Variants in HECTD2 observed in about 807,000 individuals in gnomAD.
The protein encoded by HECTD2 is probable E3 ubiquitin-protein ligase HECTD2.
A neutral mutation model predicts 103.2 loss-of-function variants in HECTD2; 35 were observed. The ratio of observed to expected loss-of-function variants is 0.34; its 90% CI spans 0.26 to 0.45. The LOEUF (loss-of-function observed/expected upper bound fraction) is 0.45. Among genes scored for constraint, HECTD2 ranks in the 20% least tolerant of loss-of-function variants. The pLI, the probability that HECTD2 is intolerant of heterozygous loss-of-function variation, is 1.00. For missense variants in HECTD2, 596 were observed against 937.4 expected, an observed-to-expected ratio of 0.64 and a Z score of 4.76; for synonymous variants, 281 against 329.9, an observed-to-expected ratio of 0.85 and a Z score of 1.61.
In HECTD2 at chr10:91,512,456, A is replaced by C; in HGVS notation, c.*72A>C. 2.2e-6 allele frequency: 3 copies of C among 1,335,338 alleles called. No homozygotes were observed. The highest frequency in any genetic ancestry group is 3.1e-6 in the Non-Finnish European group (3 of 973,938). 82.7% of individuals were successfully genotyped at this position (1,335,338 alleles called of 1,614,324 possible). ...CTCTTACTGTGCCTTTAGCCTTTTC[A>C]TGTTTCTGTCTCAAAACACTTTGAC... On this transcript the variant is annotated 3_prime_UTR_variant, in exon 21 of 21. Coordinates refer to ENST00000298068, the MANE Select transcript of HECTD2 (RefSeq NM_182765.6).
intron 5 of HECTD2, among the ~76,000 whole-genome samples, chr10:91,469,921 A>T (rs1845665444): frequency 6.6e-6 from 1 of 152,244 alleles, no homozygotes; most frequent in South Asian, 2.1e-4. Flanking sequence ...AGGGATTGTT[A>T]TTGCAACTTC....
rs903702134 is a variant in HECTD2 at position 91,487,834 on chromosome 10, TTAA to T, written c.1191+60_1191+62del. The stretch of plus-strand genomic sequence containing the variant: ...GACTATAATCAGTATAGTAAATAAT[TTAA>T]TAAATAATTTAAATGTCTTGTGAAT... On this transcript the variant is annotated intron_variant, in intron 11 of 20. Coordinates refer to ENST00000298068, the MANE Select transcript of HECTD2 (RefSeq NM_182765.6). This position sits in a 1 kb window ranked among gnomAD's most constrained non-coding sequence, Gnocchi z 4.1. 18 of 978,258 alleles carry T rather than the reference TTAA, an allele frequency of 1.8e-5. No homozygotes were observed. In the African/African-American group the frequency reaches 3.0e-4, roughly 16 times the overall value. 60.6% of individuals were successfully genotyped at this position (978,258 alleles called of 1,614,324 possible).
At chr10:91,505,385 A>G (rs1156531473) in intron 20 of HECTD2, among the ~76,000 whole-genome samples, 1 of 152,162 alleles carries the variant, frequency 6.6e-6, no homozygotes, top group Non-Finnish European at 1.5e-5. Context: ...CCCATCTCAC[A>G]TGCAGGGACA....
intron 2 of HECTD2, among the ~76,000 whole-genome samples, chr10:91,428,225 C>G (rs1365624751): frequency 2.6e-5 from 4 of 151,740 alleles, no homozygotes; most frequent in Non-Finnish European, 4.4e-5. Flanking sequence ...TGTTCCGTTC[C>G]ATTGATCTAT....
chr10:91,415,404 G>A (rs1843086871), intron 1 of HECTD2, among the ~76,000 whole-genome samples: 1 of 152,248 alleles, frequency 6.6e-6, no homozygotes, highest in African/African-American at 2.4e-5. Flanking sequence ...CAAAATAAGT[G>A]TTTATAACAA....
chr10:91,477,811 A>C (rs1431355938), intron 5 of HECTD2, among the ~76,000 whole-genome samples: 1 of 152,162 alleles, frequency 6.6e-6, no homozygotes, highest in African/African-American at 2.4e-5. Flanking sequence ...ATAGTAAATA[A>C]GATTTTTAGT....
intron 2 of HECTD2, among the ~76,000 whole-genome samples, chr10:91,445,830 CCT>C (rs1347636713): frequency 1.3e-5 from 2 of 151,998 alleles, no homozygotes; most frequent in Admixed American, 1.3e-4. Context: ...GAGACTGTGC[CCT>C]GAGGAACGGT....
chr10:91,464,304 C>T (rs879401213), intron 5 of HECTD2, among the ~76,000 whole-genome samples: 2 of 152,312 alleles, frequency 1.3e-5, no homozygotes, highest in Non-Finnish European at 2.9e-5. Flanking sequence ...AAGGTGTTTA[C>T]ATTTTGAACA....
At chr10:91,463,790 AAATATTGGC>A (rs1461012416) in intron 5 of HECTD2, 1 of 152,192 alleles carries the variant, frequency 6.6e-6, no homozygotes, top group East Asian at 1.9e-4. Context: ...AAACCTTACC[AAATATTGGC>A]AATATTGTGG....
intron 2 of HECTD2, among the ~76,000 whole-genome samples, chr10:91,431,737 C>T (rs550198333): frequency 6.6e-6 from 1 of 152,162 alleles, no homozygotes; most frequent in African/African-American, 2.4e-5. Context: ...CCATCAGCTC[C>T]TTTAGGCACT....
chr10:91,445,869 T>C (rs1844589066), intron 2 of HECTD2, among the ~76,000 whole-genome samples: 1 of 152,152 alleles, frequency 6.6e-6, no homozygotes, highest in East Asian at 1.9e-4. Context: ...ACTACACTTT[T>C]TCCATGGTCT....
At position 91,410,407 on chromosome 10, in the gene HECTD2, C is replaced by T; in HGVS notation, c.-32C>T. ...GCCCCAGCAACACTGAGGCCGCCGC[C>T]GCCGCCTGGCGCTCCCGCCGCCCGG... On this transcript the variant is annotated 5_prime_UTR_variant, in exon 1 of 21. Coordinates refer to ENST00000298068, the MANE Select transcript of HECTD2 (RefSeq NM_182765.6). 17 of 1,347,026 alleles carry T rather than the reference C, an allele frequency of 1.3e-5. No homozygotes were observed. The highest frequency in any genetic ancestry group is 5.3e-5 in the South Asian group (3 of 56,610). 83.4% of individuals were successfully genotyped at this position (1,347,026 alleles called of 1,614,324 possible).
intron 15 of HECTD2, among the ~76,000 whole-genome samples, chr10:91,496,658 T>C (rs1386875386): frequency 3.3e-5 from 5 of 152,140 alleles, no homozygotes; most frequent in Non-Finnish European, 5.9e-5. Flanking sequence ...TTCAATTTAG[T>C]TTCTTTATGT....
Position 91,481,085 on chromosome 10 carries a change from CT to C in HECTD2, c.666-4del. The C allele has an allele frequency of 1.4e-6, 2 of 1,435,634 alleles. No homozygotes were observed. The highest frequency in any genetic ancestry group is 1.9e-6 in the Non-Finnish European group (2 of 1,037,286). The allele number at this position is 1,435,634 out of a possible 1,614,324, so 88.9% of individuals were successfully genotyped here. ...CATCCATAATAAATTATTCTTGTTT[CT>C]TTTTCAGTCCACGAACAAAAGATGA... On this transcript the variant is annotated splice_region_variant and splice_polypyrimidine_tract_variant and intron_variant, in intron 6 of 20. Coordinates refer to ENST00000298068, the MANE Select transcript of HECTD2 (RefSeq NM_182765.6).
intron 8 of HECTD2, chr10:91,483,948 G>A (rs1846181314): frequency 5.7e-6 from 1 of 176,882 alleles, no homozygotes; most frequent in Non-Finnish European, 1.2e-5. Context: ...TTCTTGTTAG[G>A]AACACTAGAC....
At chr10:91,489,749 C>T (rs182900799) in intron 11 of HECTD2, 11 of 152,120 alleles carry the variant, frequency 7.2e-5, no homozygotes, top group Admixed American at 5.2e-4. Flanking sequence ...TAGCATTTAG[C>T]GTTGTATATA....
At chr10:91,434,492 C>G (rs1844029412) in intron 2 of HECTD2, among the ~76,000 whole-genome samples, 1 of 151,922 alleles carries the variant, frequency 6.6e-6, no homozygotes, top group Non-Finnish European at 1.5e-5. Flanking sequence ...TTTATTTTGT[C>G]AAAACATTTA....
At chr10:91,486,351 A>C (rs1394635263) in intron 10 of HECTD2, 1 of 152,182 alleles carries the variant, frequency 6.6e-6, no homozygotes, top group Non-Finnish European at 1.5e-5. Context: ...CTTCCATTTT[A>C]ATATAATTGT....
intron 8 of HECTD2, 22 bp from the exon 9 acceptor site, chr10:91,484,485 A>G (rs765410607): frequency 6.3e-7 from 1 of 1,594,032 alleles, no homozygotes; most frequent in South Asian, 1.1e-5. Flanking sequence ...TTTGATTGCA[A>G]TTATTTTGAA....
Sources: allele counts gnomAD v4.1 joint callset (sites outside exome capture counted in the v4.1 genomes callset), GRCh38; gene constraint gnomAD v4.1.1; non-coding constraint Gnocchi (gnomAD v3.1); transcripts MANE v1.5; gene names NCBI Gene and HGNC (gene_info 2026-07-23, HGNC 2026-07-21).